Variants in COX15 observed in about 807,000 individuals in gnomAD.
COX15 encodes the protein heme A synthase COX15.
Under a neutral mutation model 51.9 loss-of-function variants are expected in COX15, and 51 were observed. That is an observed-to-expected ratio of 0.98 (90% CI 0.78 to 1.24). The LOEUF is 1.24. Ranked by LOEUF, COX15 falls within the 50% of genes most tolerant of loss-of-function variation. The pLI, the probability that COX15 is intolerant of heterozygous loss-of-function variation, is 0.00. For synonymous variants in COX15, 188 were observed against 190.5 expected, an observed-to-expected ratio of 0.99 and a Z score of 0.11; for missense variants, 420 against 501.1, an observed-to-expected ratio of 0.84 and a Z score of 1.55.
chr10:99,703,516 G>A, the COX15 span, among the ~76,000 whole-genome samples: 2 of 152,104 alleles, frequency 1.3e-5, no homozygotes, highest in African/African-American at 2.4e-5. Flanking sequence ...TTAGAGATTC[G>A]CATTCTAGAA....
chr10:99,722,726 C>T (rs1019465778), intron 5 of COX15, among the ~76,000 whole-genome samples: 4 of 151,870 alleles, frequency 2.6e-5, no homozygotes, highest in Non-Finnish European at 5.9e-5. Context: ...CCCAGCTACT[C>T]GGGAGGCTGA....
chr10:99,696,806 A>C, the COX15 span, among the ~76,000 whole-genome samples: 2 of 152,214 alleles, frequency 1.3e-5, no homozygotes, highest in African/African-American at 2.4e-5. Flanking sequence ...TCCATCATTA[A>C]ATTTACACAA....
chr10:99,700,830 A>G, the COX15 span: 1 of 720,764 alleles, frequency 1.4e-6, no homozygotes, highest in Non-Finnish European at 2.5e-6. Flanking sequence ...CGCAGTGTTT[A>G]GTGAATGAAC....
At chr10:99,718,205 G>T in intron 7 of COX15, 141 bp downstream of exon 7, 1 of 932,808 alleles carries the variant, frequency 1.1e-6, no homozygotes, top group Non-Finnish European at 1.7e-6. Context: ...TAGAGAAATG[G>T]TCCTAAAATT....
Position 99,726,994 on chromosome 10 carries a change from C to A in COX15, c.556G>T (p.Ala186Ser). 6.2e-7 allele frequency: 1 copy of A among 1,613,890 alleles called. No homozygotes were observed. Among genetic ancestry groups the A allele is most frequent in the Non-Finnish European group, 8.5e-7 (1 of 1,179,974 alleles). The change falls in exon 4 of 9, where the codon GCC becomes TCC. Residue 186 changes from alanine (A) to serine (S), a missense_variant. Transcript: ENST00000016171. ...LSRGMKGRVL[A>S]LCGLVCFQGL... Reference sequence around the variant, plus strand: ...TGGAAGCAGACGAGGCCACAGAGGGCAAGAACACGTCCTTTCATGCCACGG... The same window carrying A: ...TGGAAGCAGACGAGGCCACAGAGGGAAAGAACACGTCCTTTCATGCCACGG...
downstream of COX15, chr10:99,705,968 G>C (rs867700565): frequency 1.3e-5 from 2 of 152,134 alleles, no homozygotes; most frequent in South Asian, 2.1e-4. Flanking sequence ...GGTCCGCATG[G>C]AATCTTTCTT....
chr10:99,694,424 G>A, the COX15 span, among the ~76,000 whole-genome samples: 4 of 151,520 alleles, frequency 2.6e-5, no homozygotes, highest in Non-Finnish European at 4.4e-5. Flanking sequence ...GCTGTATTTT[G>A]TTTATCCATT....
chr10:99,718,638 G>C (rs1360824474), intron 6 of COX15, 138 bp from the exon 7 acceptor site: 3 of 881,572 alleles, frequency 3.4e-6, no homozygotes, highest in East Asian at 5.0e-5. Flanking sequence ...TCTGCAACAG[G>C]AGTTCTCCAA....
the COX15 span, among the ~76,000 whole-genome samples, chr10:99,699,658 G>A: frequency 0.84 from 127,383 of 152,118 alleles, 53,611 homozygotes; most frequent in Middle Eastern, 0.92. Flanking sequence ...TCTGCCTTCC[G>A]GGTTCAAGTG....
In COX15 at chr10:99,732,015, A is replaced by G. The variant is rs760328705; in HGVS notation, c.35T>C (p.Leu12Ser). The G allele has an allele frequency of 6.2e-7, 1 of 1,613,174 alleles. No individual in the cohort carries two copies. Among genetic ancestry groups the G allele is most frequent in the South Asian group, 1.1e-5 (1 of 90,856 alleles). Residue 12 changes from leucine to serine, a missense_variant, in exon 1 of 9, where the codon TTG (leucine) becomes TCG (serine). Physicochemically the swap from Leu to Ser is moderately radical, Grantham distance 145. Coordinates refer to ENST00000016171, the MANE Select transcript of COX15 (RefSeq NM_078470.6). The part of the protein sequence containing the change: ...QRLLFPPLRA[L>S]KGRQYLPLLA... ...GAGCGGCAGATACTGCCTCCCCTTC[A>G]AGGCCCTCAACGGCGGAAAGAGCAA...
chr10:99,714,525 C>CTTA lies in COX15; in HGVS notation c.*59_*61dup. On this transcript the variant is annotated 3_prime_UTR_variant, in exon 9 of 9. Transcript: ENST00000016171. Reference sequence around the variant, plus strand: ...GTCATCTCGTAGAAAAGCCCAAGTTCTTATGATCTCTGAAGAGCTCTCAAA... The same window carrying CTTA: ...GTCATCTCGTAGAAAAGCCCAAGTTCTTATTATGATCTCTGAAGAGCTCTCAAA... The CTTA allele has an allele frequency of 1.2e-6, 2 of 1,612,422 alleles. No individual in the cohort carries two copies. The highest frequency in any genetic ancestry group is 1.7e-6 in the Non-Finnish European group (2 of 1,179,536).
chr10:99,729,405 A>T, intron 2 of COX15, 148 bp downstream of exon 2: 1 of 830,452 alleles, frequency 1.2e-6, no homozygotes, highest in Non-Finnish European at 2.0e-6. Context: ...GGTTGCAGTC[A>T]GCCGAGATCA....
intron 1 of COX15, among the ~76,000 whole-genome samples, chr10:99,730,068 T>C (rs1054646838): frequency 6.6e-6 from 1 of 152,190 alleles, no homozygotes; most frequent in African/African-American, 2.4e-5. Context: ...TCCTTTCCCC[T>C]GATTAATAAT....
intron 3 of COX15, 65 bp from the exon 4 acceptor site, chr10:99,727,219 C>A (rs187674675): frequency 1.5e-4 from 234 of 1,572,500 alleles, no homozygotes; most frequent in Non-Finnish European, 2.0e-4. Context: ...TATTTTCTTA[C>A]GGAATGCAAA....
Position 99,732,109 on chromosome 10 carries a change from C to A in COX15, c.-60G>T. ...CCAGGGCTCTGTGGTCTCCCTCCTC[C>A]GCCAAGGAAAAGAGAAGCACTTCCG... On this transcript the variant is annotated 5_prime_UTR_variant, in exon 1 of 9. Transcript: ENST00000016171. The A allele has an allele frequency of 5.7e-6, 9 of 1,576,774 alleles. No homozygotes were observed. Among genetic ancestry groups the A allele is most frequent in the Non-Finnish European group, 7.8e-6 (9 of 1,160,664 alleles).
rs780340276 is a variant in COX15, at chr10:99,714,664, T to C, written c.1156A>G (p.Thr386Ala). Residue 386 changes from threonine (T) to alanine (A), a missense_variant, in exon 9 of 9, where the codon ACT becomes GCT. Thr to Ala is a moderately conservative substitution (Grantham distance 58, BLOSUM62 0). Transcript: ENST00000016171. Reference protein sequence around the residue: ...LMYVPTPLAATHQSGSLALLT... With the variant: ...LMYVPTPLAAAHQSGSLALLT... ...AAAGCCAAGGAGCCTGACTGGTGAG[T>C]GGCGGCCAGAGGAGTTGGGACATAC... The C allele has an allele frequency of 1.2e-6, 2 of 1,614,016 alleles. No homozygotes were observed. The highest frequency in any genetic ancestry group is 2.2e-5 in the South Asian group (2 of 91,082).
intron 8 of COX15, among the ~76,000 whole-genome samples, chr10:99,715,928 T>C (rs1306674064): frequency 1.3e-5 from 2 of 151,994 alleles, no homozygotes; most frequent in Admixed American, 6.6e-5. Flanking sequence ...TTTCCGGTTA[T>C]TAATCTTTTA....
the COX15 span, chr10:99,701,014 C>G: frequency 1.9e-6 from 3 of 1,614,008 alleles, no homozygotes; most frequent in African/African-American, 4.0e-5. Flanking sequence ...CTCAGAGATT[C>G]AAGAATGGCC....
the COX15 span, chr10:99,697,520 C>T: frequency 2.5e-5 from 4 of 159,686 alleles, no homozygotes; most frequent in East Asian, 7.4e-4. Flanking sequence ...GTAGCTAAGT[C>T]ACCTACATCA....
Sources: gnomAD v4.1 joint callset for allele counts (sites outside exome capture counted in the v4.1 genomes callset) on GRCh38, gnomAD v4.1.1 for gene constraint, MANE v1.5 for transcripts, NCBI Gene and HGNC (gene_info 2026-07-23, HGNC 2026-07-21) for gene names.